MEI4: variants seen among roughly 807,000 people sequenced by gnomAD.
MEI4 encodes meiosis-specific protein MEI4.
MEI4 carries 27 observed loss-of-function variants against 31.4 expected under a neutral mutation model. The ratio of observed to expected loss-of-function variants is 0.86; its 90% CI spans 0.63 to 1.19. MEI4 has a LOEUF of 1.19. MEI4 is among the 50% of genes most tolerant of loss of function. The probability of loss-of-function intolerance (pLI) is 0.00; values close to 1 mark genes in which losing one functional copy is unlikely to be tolerated. For missense variants in MEI4, 329 were observed against 398.9 expected, an observed-to-expected ratio of 0.82 and a Z score of 1.49; for synonymous variants, 122 against 145.4, an observed-to-expected ratio of 0.84 and a Z score of 1.16.
intron 1 of MEI4, among the ~76,000 whole-genome samples, chr6:77,657,638 T>C (rs936857856): frequency 6.6e-6 from 1 of 152,118 alleles, no homozygotes; most frequent in Non-Finnish European, 1.5e-5. Context: ...GGCTGCATTG[T>C]TTTCCAGCTG....
At chr6:77,736,263 A>G (rs529355770) in intron 2 of MEI4, among the ~76,000 whole-genome samples, 2 of 151,684 alleles carry the variant, frequency 1.3e-5, no homozygotes, top group African/African-American at 2.4e-5. Context: ...TTGATCTCAG[A>G]GGGCTGTGCT....
chr6:77,832,380 T>TA (rs989952553), intron 4 of MEI4, among the ~76,000 whole-genome samples: 8 of 152,038 alleles, frequency 5.3e-5, no homozygotes, highest in African/African-American at 1.9e-4. Flanking sequence ...GTACTCTATA[T>TA]AAGTCTGATT....
chr6:77,754,080 T>C (rs1767852364), intron 2 of MEI4, among the ~76,000 whole-genome samples: 2 of 151,810 alleles, frequency 1.3e-5, no homozygotes, highest in African/African-American at 4.8e-5. Context: ...GAGGGGAACA[T>C]CACACACCAT....
chr6:77,824,386 T>C (rs933883492), intron 3 of MEI4, among the ~76,000 whole-genome samples: 3 of 152,322 alleles, frequency 2.0e-5, no homozygotes, highest in South Asian at 2.1e-4. Context: ...TTCTTATGTA[T>C]ATTTTTAATC....
chr6:77,755,846 G>T (rs34859613), intron 2 of MEI4, among the ~76,000 whole-genome samples: 14,314 of 149,812 alleles, frequency 0.096, 791 homozygotes, highest in East Asian at 0.17. Context: ...GTGTGTGTGT[G>T]TGTGTGTGTA....
intron 3 of MEI4, among the ~76,000 whole-genome samples, chr6:77,799,807 T>C (rs1453791705): frequency 6.6e-6 from 1 of 152,148 alleles, no homozygotes; most frequent in East Asian, 1.9e-4. Flanking sequence ...TAGTTGTAGA[T>C]ATGCAGTGTT....
intron 2 of MEI4, among the ~76,000 whole-genome samples, chr6:77,711,501 G>A (rs1326608583): frequency 6.6e-6 from 1 of 152,140 alleles, no homozygotes; most frequent in Non-Finnish European, 1.5e-5. Context: ...TTTTGGGGAT[G>A]CATTTGACTA....
chr6:77,926,297 C>G lies in MEI4; in HGVS notation c.*2951C>G, dbSNP rs1766843017. 6.6e-6 allele frequency: 1 copy of G among 151,938 alleles called. No individual in the cohort carries two copies. Among genetic ancestry groups the G allele is most frequent in the African/African-American group, 2.4e-5 (1 of 41,406 alleles). 9.4% of individuals were successfully genotyped at this position (151,938 alleles called of 1,614,324 possible). A position where few individuals can be genotyped will look rare whatever the true frequency, so the allele number is the denominator to read the frequency against. The stretch of plus-strand genomic sequence containing the variant: ...CCTATCTATAAGTAAACCAGAGGAA[C>G]AGCATCTTTGACCTTTTCAGGGTTG... On this transcript the variant is annotated 3_prime_UTR_variant, in exon 5 of 5. Transcript: ENST00000684080.
intron 4 of MEI4, among the ~76,000 whole-genome samples, chr6:77,900,880 C>T (rs1385146145): frequency 1.3e-5 from 2 of 152,006 alleles, no homozygotes; most frequent in African/African-American, 2.4e-5. Flanking sequence ...CCTTATTCCT[C>T]GGTCTCTGGT....
intron 2 of MEI4, among the ~76,000 whole-genome samples, chr6:77,735,471 G>GT (rs1767163729): frequency 6.6e-6 from 1 of 151,986 alleles, no homozygotes; most frequent in Non-Finnish European, 1.5e-5. Context: ...TCGAGCCTTG[G>GT]TTTTCAGCTT....
rs56158731 is a variant in MEI4, at chr6:77,790,448, A to G, written c.768+28783A>G. ...AAAAAAGAAGAAAGAAAAATTACCT[A>G]TTGGGTACAGTGTTTACTATTTGGG... On this transcript the variant is annotated intron_variant, in intron 3 of 4. Coordinates refer to ENST00000684080, the MANE Select transcript of MEI4 (RefSeq NM_001322247.2). Among the ~76,000 whole-genome samples, 1,401 of 152,012 alleles carry G rather than the reference A, an allele frequency of 9.2e-3. 21 individuals carry two copies. The highest frequency in any genetic ancestry group is 0.031 in the African/African-American group (1,294 of 41,484).
chr6:77,842,075 G>A (rs145001223), intron 4 of MEI4, among the ~76,000 whole-genome samples: 47 of 152,210 alleles, frequency 3.1e-4, no homozygotes, highest in African/African-American at 1.1e-3. Flanking sequence ...CAAAGCCATT[G>A]ACTAGTTTGA....
chr6:77,693,808 A>G (rs1392924332), intron 2 of MEI4, among the ~76,000 whole-genome samples: 1 of 152,108 alleles, frequency 6.6e-6, no homozygotes, highest in African/African-American at 2.4e-5. Flanking sequence ...AAAACTCCAT[A>G]CCTGAAAATC....
At chr6:77,792,534 T>C (rs983795997) in intron 3 of MEI4, among the ~76,000 whole-genome samples, 15 of 152,158 alleles carry the variant, frequency 9.9e-5, no homozygotes, top group African/African-American at 2.2e-4. Flanking sequence ...TTGGATCATA[T>C]ACAAAAAAAT....
intron 2 of MEI4, among the ~76,000 whole-genome samples, chr6:77,732,799 C>A (rs1353368612): frequency 1.3e-5 from 2 of 151,978 alleles, no homozygotes; most frequent in African/African-American, 4.8e-5. Context: ...TGAAATACGT[C>A]CCATCAATAC....
intron 4 of MEI4, among the ~76,000 whole-genome samples, chr6:77,904,659 G>T (rs137974487): frequency 6.6e-6 from 1 of 152,078 alleles, no homozygotes; most frequent in Admixed American, 6.6e-5. Flanking sequence ...TTTTATGACT[G>T]CAGAATATTC....
chr6:77,744,819 A>T (rs185791424), intron 2 of MEI4, among the ~76,000 whole-genome samples: 166 of 152,356 alleles, frequency 1.1e-3, no homozygotes, highest in African/African-American at 2.6e-3. Context: ...AATATTCAAC[A>T]TTCTTAAAGG....
chr6:77,894,626 A>G (rs752044388), intron 4 of MEI4, among the ~76,000 whole-genome samples: 3 of 152,182 alleles, frequency 2.0e-5, no homozygotes, highest in Non-Finnish European at 4.4e-5. Flanking sequence ...TTGTAATGTA[A>G]TAATCTGAGG....
chr6:77,654,975 A>C (rs189099591), intron 1 of MEI4, among the ~76,000 whole-genome samples: 40 of 152,110 alleles, frequency 2.6e-4, no homozygotes, highest in Non-Finnish European at 4.9e-4. Context: ...GGTTTGTTAC[A>C]TAGGTGTACA....
Sources: gnomAD v4.1 joint callset for allele counts (sites outside exome capture counted in the v4.1 genomes callset) on GRCh38, gnomAD v4.1.1 for gene constraint, MANE v1.5 for transcripts, NCBI Gene and HGNC (gene_info 2026-07-23, HGNC 2026-07-21) for gene names.